CAMTA1: variants seen among roughly 807,000 people sequenced by gnomAD.
CAMTA1 encodes calmodulin binding transcription activator 1, also known as calmodulin-binding transcription activator 1.
Under a neutral mutation model 170.9 loss-of-function variants are expected in CAMTA1, and 27 were observed. That is an observed-to-expected ratio of 0.16 (90% CI 0.12 to 0.22). The LOEUF is 0.22. Ranked by LOEUF, CAMTA1 falls within the 10% of genes least tolerant of loss-of-function variation. The pLI is 1.00. For missense variants in CAMTA1, 1,619 were observed against 2,217.2 expected (o/e 0.73, Z 5.42); for synonymous variants, 833 against 891.5 (o/e 0.93, Z 1.17).
At position 7,585,246 on chromosome 1, in the gene CAMTA1, A is replaced by G. The variant is rs955143308; in HGVS notation, c.511-55154A>G. Among the ~76,000 whole-genome samples, 8 of 152,152 alleles carry G rather than the reference A, an allele frequency of 5.3e-5. No individual in the cohort carries two copies. Among genetic ancestry groups the G allele is most frequent in the Non-Finnish European group, 8.8e-5 (6 of 68,038 alleles). On this transcript the variant is annotated intron_variant, in intron 6 of 22. Coordinates refer to ENST00000303635, the MANE Select transcript of CAMTA1 (RefSeq NM_015215.4). The surrounding 1 kb of genome is among the most constrained non-coding windows in gnomAD (Gnocchi z 4.8). Reference sequence around the variant, plus strand: ...AATTTAAGATAGTGATAAATGCAGTAACGACAGCCAGGCAGAGTAAAGGAA... The same window carrying G: ...AATTTAAGATAGTGATAAATGCAGTGACGACAGCCAGGCAGAGTAAAGGAA...
intron 4 of CAMTA1, among the ~76,000 whole-genome samples, chr1:7,211,097 T>C (rs958527141): frequency 6.6e-6 from 1 of 152,242 alleles, no homozygotes; most frequent in African/African-American, 2.4e-5. Flanking sequence ...GTCTTTATCA[T>C]AGATCTATTC....
At chr1:7,035,312 A>G (rs1703426156) in intron 3 of CAMTA1, among the ~76,000 whole-genome samples, 1 of 152,120 alleles carries the variant, frequency 6.6e-6, no homozygotes, top group Admixed American at 6.5e-5. Flanking sequence ...AGGCAGGAGA[A>G]TCATTTGAAC....
Position 7,248,905 on chromosome 1 carries a change from G to A in CAMTA1, c.303-586G>A, listed in dbSNP as rs930373943. 6.6e-6 allele frequency among the ~76,000 whole-genome samples: 1 copy of A among 152,058 alleles called. No homozygotes were observed. The highest frequency in any genetic ancestry group is 2.1e-4 in the South Asian group (1 of 4,806). On this transcript the variant is annotated intron_variant, in intron 4 of 22. Coordinates refer to ENST00000303635, the MANE Select transcript of CAMTA1 (RefSeq NM_015215.4). The surrounding 1 kb of genome is among the most constrained non-coding windows in gnomAD (Gnocchi z 4.0). The stretch of plus-strand genomic sequence containing the variant: ...GCTGAAGCCTAAATGGGAAAGAATC[G>A]GGTACTTAGCTTGCTTGAGAAGCAA...
chr1:7,493,377 A>G (rs1228274896), intron 6 of CAMTA1, among the ~76,000 whole-genome samples: 10 of 82,190 alleles, frequency 1.2e-4, no homozygotes, highest in Admixed American at 9.2e-4. Context: ...ACGTGCGCAC[A>G]CACAAACAAA....
At chr1:7,392,640 A>G (rs1481825328) in intron 5 of CAMTA1, among the ~76,000 whole-genome samples, 1 of 151,604 alleles carries the variant, frequency 6.6e-6, no homozygotes, top group Non-Finnish European at 1.5e-5. Context: ...TTGGGAGGCC[A>G]AGGTGGGTGG....
Position 7,736,828 on chromosome 1 carries a change from A to G in CAMTA1, c.3264-103A>G. On this transcript the variant is annotated intron_variant, in intron 13 of 22. Coordinates refer to ENST00000303635, the MANE Select transcript of CAMTA1 (RefSeq NM_015215.4). The surrounding 1 kb of genome is among the most constrained non-coding windows in gnomAD (Gnocchi z 4.5). ...TCTGTTTCTTCACCATGGGGATGTT[A>G]TATACCCAGTTGGGTTTCATCTTGG... 1.1e-6 allele frequency: 1 copy of G among 934,850 alleles called. No individual in the cohort carries two copies. The highest frequency in any genetic ancestry group is 1.7e-6 in the Non-Finnish European group (1 of 589,362). 57.9% of individuals were successfully genotyped at this position (934,850 alleles called of 1,614,324 possible). A position where few individuals can be genotyped will look rare whatever the true frequency, so the allele number is the denominator to read the frequency against.
At chr1:7,571,663 G>A (rs1048996239) in intron 6 of CAMTA1, among the ~76,000 whole-genome samples, 1 of 151,366 alleles carries the variant, frequency 6.6e-6, no homozygotes, top group Non-Finnish European at 1.5e-5. Flanking sequence ...CAAAGGACAT[G>A]ATCTTGCTCT....
At chr1:7,099,659 A>G (rs1314756350) in intron 4 of CAMTA1, among the ~76,000 whole-genome samples, 1 of 151,972 alleles carries the variant, frequency 6.6e-6, no homozygotes, top group Non-Finnish European at 1.5e-5. Flanking sequence ...GGGCTGGTTA[A>G]TGGAGGGAGC....
At chr1:7,408,128 G>A (rs1462010079) in intron 5 of CAMTA1, among the ~76,000 whole-genome samples, 1 of 152,198 alleles carries the variant, frequency 6.6e-6, no homozygotes, top group African/African-American at 2.4e-5. Context: ...AGAGCTCATG[G>A]TGGTCCTCTG....
chr1:7,289,106 C>T (rs971171917), intron 5 of CAMTA1, among the ~76,000 whole-genome samples: 17 of 152,066 alleles, frequency 1.1e-4, no homozygotes, highest in African/African-American at 4.1e-4. Flanking sequence ...CACGTTTAAA[C>T]AATCAGATCT....
intron 4 of CAMTA1, among the ~76,000 whole-genome samples, chr1:7,187,348 A>G (rs1233962991): frequency 6.6e-6 from 1 of 152,220 alleles, no homozygotes; most frequent in Non-Finnish European, 1.5e-5. Flanking sequence ...TTTCTCGGAA[A>G]GAACTACTTT....
chr1:7,411,740 G>C (rs1319711847), intron 5 of CAMTA1, among the ~76,000 whole-genome samples: 1 of 151,850 alleles, frequency 6.6e-6, no homozygotes, highest in Non-Finnish European at 1.5e-5. Flanking sequence ...GATAAAGCCA[G>C]CTTTTCCTTT....
intron 11 of CAMTA1, among the ~76,000 whole-genome samples, chr1:7,713,910 A>G (rs2096590167): frequency 6.6e-6 from 1 of 152,232 alleles, no homozygotes; most frequent in African/African-American, 2.4e-5. Flanking sequence ...ATTTCATATC[A>G]GCATAGGGGA....
Position 7,293,689 on chromosome 1 carries a change from G to T in CAMTA1, c.438+44063G>T, listed in dbSNP as rs1023381003. Among the ~76,000 whole-genome samples the T allele has an allele frequency of 2.0e-5, 3 of 152,206 alleles. No homozygotes were observed. The highest frequency in any genetic ancestry group is 7.2e-5 in the African/African-American group (3 of 41,446). On this transcript the variant is annotated intron_variant, in intron 5 of 22. Transcript: ENST00000303635. This position sits in a 1 kb window ranked among gnomAD's most constrained non-coding sequence, Gnocchi z 4.1. ...ATCCCACTTAGGACTCTCAGTGGGG[G>T]AGTCTAAACATGAATTATCCCAGCT... is the stretch of plus-strand genomic sequence containing the variant.
intron 1 of CAMTA1, among the ~76,000 whole-genome samples, chr1:6,801,774 TG>T (rs752097221): frequency 1.3e-5 from 2 of 151,060 alleles, no homozygotes; most frequent in East Asian, 3.9e-4. Context: ...GACCCCAAGG[TG>T]GGAGGCTGTG....
At chr1:6,897,069 T>G (rs947261135) in intron 3 of CAMTA1, among the ~76,000 whole-genome samples, 1 of 152,150 alleles carries the variant, frequency 6.6e-6, no homozygotes, top group Non-Finnish European at 1.5e-5. Context: ...TAGACTAGTT[T>G]TAAGAGAACC....
intron 3 of CAMTA1, among the ~76,000 whole-genome samples, chr1:6,884,684 A>G (rs1226795315): frequency 2.6e-5 from 4 of 152,196 alleles, no homozygotes; most frequent in African/African-American, 9.7e-5. Flanking sequence ...AAGCGAGCCC[A>G]TTTTGAGGAA....
chr1:7,629,647 C>A (rs552329269), intron 6 of CAMTA1, among the ~76,000 whole-genome samples: 12 of 152,286 alleles, frequency 7.9e-5, no homozygotes, highest in African/African-American at 2.9e-4. Flanking sequence ...CTTTCTGGAC[C>A]GGAAAGCCCT....
chr1:7,611,092 G>T (rs1461737619), intron 6 of CAMTA1, among the ~76,000 whole-genome samples: 2 of 152,148 alleles, frequency 1.3e-5, no homozygotes, highest in Admixed American at 6.5e-5. Context: ...CAGAGTGAAA[G>T]TACCCACCTC....
Sources: allele counts gnomAD v4.1 joint callset (sites outside exome capture counted in the v4.1 genomes callset), GRCh38; gene constraint gnomAD v4.1.1; non-coding constraint Gnocchi (gnomAD v3.1); transcripts MANE v1.5; gene names NCBI Gene and HGNC (gene_info 2026-07-23, HGNC 2026-07-21).